RAPGEF2: variants seen among roughly 807,000 people sequenced by gnomAD.
RAPGEF2 encodes PDZ domain containing guanine nucleotide exchange factor (GEF) 1.
Under a neutral mutation model 186.7 loss-of-function variants are expected in RAPGEF2, and 54 were observed. That is an observed-to-expected ratio of 0.29 (90% CI 0.23 to 0.36). RAPGEF2 has a LOEUF of 0.36. RAPGEF2 is among the 10% of genes least tolerant of loss of function. The pLI, the probability that RAPGEF2 is intolerant of heterozygous loss-of-function variation, is 1.00. For synonymous variants in RAPGEF2, 712 were observed against 705.9 expected (o/e 1.01, Z -0.14); for missense variants, 1,532 against 2,045.0 (o/e 0.75, Z 4.84).
intron 17 of RAPGEF2, among the ~76,000 whole-genome samples, chr4:159,333,041 G>A (rs902802107): frequency 1.1e-4 from 17 of 151,918 alleles, no homozygotes; most frequent in African/African-American, 3.4e-4. Context: ...GTGCAGTGGC[G>A]CGATCTCGGC....
intron 3 of RAPGEF2, among the ~76,000 whole-genome samples, chr4:159,209,663 G>T (rs774702490): frequency 1.3e-5 from 2 of 152,172 alleles, no homozygotes; most frequent in Non-Finnish European, 2.9e-5. Context: ...TATTAGTAAG[G>T]TTGTGGGGAA....
At position 159,346,888 on chromosome 4, in the gene RAPGEF2, C is replaced by A; in HGVS notation, c.3602C>A (p.Pro1201His). The part of the protein sequence containing the change: ...SQQKAQSLPQ[P>H]QQQPPPAHKI... ...CAGAAAGCTCAGTCCCTGCCACAGC[C>A]CCAGCAGCAGCCACCACCAGCACAT... is the stretch of plus-strand genomic sequence containing the variant. Residue 1201 changes from proline to histidine, a missense_variant, in exon 25 of 30, where the codon CCC (proline) becomes CAC (histidine). Physicochemically the swap from Pro to His is moderately conservative, Grantham distance 77 (BLOSUM62 -2). This residue lies in a region of RAPGEF2 where 594 missense variants were observed against 608.5 expected (regional missense o/e 0.98). Coordinates refer to ENST00000691494, the MANE Select transcript of RAPGEF2 (RefSeq NM_001394067.2). 2 of 1,614,154 alleles carry A rather than the reference C, an allele frequency of 1.2e-6. No individual in the cohort carries two copies. The highest frequency in any genetic ancestry group is 1.7e-6 in the Non-Finnish European group (2 of 1,180,020).
chr4:159,300,741 A>C (rs1028007450), intron 7 of RAPGEF2, among the ~76,000 whole-genome samples: 5 of 152,300 alleles, frequency 3.3e-5, no homozygotes, highest in African/African-American at 1.2e-4. Flanking sequence ...ATACATAGTA[A>C]TTTAAATTGG....
intron 7 of RAPGEF2, among the ~76,000 whole-genome samples, chr4:159,275,780 A>G (rs1200871457): frequency 1.1e-4 from 16 of 152,160 alleles, no homozygotes; most frequent in Non-Finnish European, 1.5e-5. Flanking sequence ...CACACTTTTC[A>G]TGATAAAGGA....
chr4:159,122,438 C>T (rs996023502), intron 1 of RAPGEF2, among the ~76,000 whole-genome samples: 12 of 151,500 alleles, frequency 7.9e-5, no homozygotes, highest in Admixed American at 7.2e-4. Flanking sequence ...GAGACTGCAC[C>T]ACAGCACTCC....
chr4:159,136,889 G>A (rs1056058014), intron 1 of RAPGEF2, among the ~76,000 whole-genome samples: 2 of 152,092 alleles, frequency 1.3e-5, no homozygotes, highest in Admixed American at 6.6e-5. Flanking sequence ...ACCTGAACTG[G>A]CTACTGTTCC....
chr4:159,219,347 CTTTTTTTTTTT>C (rs70962664), intron 4 of RAPGEF2, among the ~76,000 whole-genome samples: 1 of 81,446 alleles, frequency 1.2e-5, no homozygotes, highest in African/African-American at 5.6e-5. Context: ...CAACTGTATC[CTTTTTTTTTTT>C]TTTTTTTTTT....
chr4:159,251,944 A>G (rs1472618114), intron 7 of RAPGEF2, among the ~76,000 whole-genome samples: 3 of 151,978 alleles, frequency 2.0e-5, no homozygotes, highest in East Asian at 1.9e-4. Context: ...GAGCGGTAAC[A>G]CTCACCGCGG....
At chr4:159,190,752 A>G (rs28508275) in intron 2 of RAPGEF2, among the ~76,000 whole-genome samples, 4 of 151,946 alleles carry the variant, frequency 2.6e-5, no homozygotes, top group Non-Finnish European at 5.9e-5. Flanking sequence ...CCATCAGATC[A>G]TTTAAGAACT....
At chr4:159,238,133 A>G (rs1044403459) in intron 4 of RAPGEF2, among the ~76,000 whole-genome samples, 2 of 152,168 alleles carry the variant, frequency 1.3e-5, no homozygotes, top group Non-Finnish European at 2.9e-5. Flanking sequence ...GCATATCCCT[A>G]TGTCAGAAAC....
At position 159,355,849 on chromosome 4, in the gene RAPGEF2, C is replaced by G. The variant is rs921130177; in HGVS notation, c.4652-4C>G. 3.2e-6 allele frequency: 5 copies of G among 1,542,994 alleles called. No homozygotes were observed. The East Asian group carries it at 9.8e-5, about 30-fold the overall frequency. ...TTAATGCTGGTGCATTGTTTCTACT[C>G]TAGCACGAAAGGAGGGCAGGTATCG... On this transcript the variant is annotated splice_polypyrimidine_tract_variant and splice_region_variant and intron_variant, in intron 28 of 29. Coordinates refer to ENST00000691494, the MANE Select transcript of RAPGEF2 (RefSeq NM_001394067.2).
At chr4:159,165,903 A>G (rs1198833235) in intron 1 of RAPGEF2, among the ~76,000 whole-genome samples, 1 of 152,206 alleles carries the variant, frequency 6.6e-6, no homozygotes, top group African/African-American at 2.4e-5. Context: ...AACAATGGAC[A>G]TTTTGGAAAA....
intron 8 of RAPGEF2, among the ~76,000 whole-genome samples, chr4:159,313,547 T>G (rs1049402831): frequency 6.0e-5 from 9 of 149,916 alleles, no homozygotes; most frequent in Admixed American, 5.9e-4. Flanking sequence ...TATTTTTATC[T>G]TTCTTTTAAA....
At chr4:159,214,738 T>A (rs900931227) in intron 4 of RAPGEF2, among the ~76,000 whole-genome samples, 3 of 152,166 alleles carry the variant, frequency 2.0e-5, no homozygotes, top group Non-Finnish European at 4.4e-5. Flanking sequence ...CTTTAGATTA[T>A]TTGTTAAAGA....
At chr4:159,320,316 A>G (rs1290773702) in intron 9 of RAPGEF2, among the ~76,000 whole-genome samples, 2 of 152,204 alleles carry the variant, frequency 1.3e-5, no homozygotes, top group African/African-American at 4.8e-5. Context: ...CATCTCTTGC[A>G]ATGGTGTTCA....
At chr4:159,279,430 G>C (rs762965453) in intron 7 of RAPGEF2, among the ~76,000 whole-genome samples, 1 of 152,206 alleles carries the variant, frequency 6.6e-6, no homozygotes, top group East Asian at 1.9e-4. Context: ...GAAAGTCCTC[G>C]AACAGTTTAT....
Position 159,350,243 on chromosome 4 carries a change from G to T in RAPGEF2, c.3819G>T (p.Ser1273=). The T allele has an allele frequency of 4.4e-6, 7 of 1,599,316 alleles. No individual in the cohort carries two copies. Among genetic ancestry groups the T allele is most frequent in the Non-Finnish European group, 6.0e-6 (7 of 1,173,130 alleles). The change falls in exon 26 of 30, where the codon TCG becomes TCT. Residue 1273 remains serine, a synonymous_variant. Transcript: ENST00000691494. ...QAEDTISNAS[S]QLSSPPTSPQ... ...AAGATACAATATCAAATGCATCTTC[G>T]CAGCTTTCTTCTCCTCCTACTTCTC...
At chr4:159,220,021 C>T (rs978338948) in intron 4 of RAPGEF2, among the ~76,000 whole-genome samples, 13 of 152,156 alleles carry the variant, frequency 8.5e-5, no homozygotes, top group Admixed American at 7.9e-4. Flanking sequence ...TCTAGTGCTG[C>T]AGGGACATTC....
At chr4:159,228,705 G>A (rs1752298454) in intron 4 of RAPGEF2, among the ~76,000 whole-genome samples, 2 of 152,134 alleles carry the variant, frequency 1.3e-5, no homozygotes, top group African/African-American at 4.8e-5. Flanking sequence ...TTTAGAAGCA[G>A]TTCGCAATTT....
Sources: gnomAD v4.1 joint callset for allele counts (sites outside exome capture counted in the v4.1 genomes callset) on GRCh38, gnomAD v4.1.1 for gene constraint, gnomAD v4.1.1 regional missense constraint, MANE v1.5 for transcripts, NCBI Gene and HGNC (gene_info 2026-07-23, HGNC 2026-07-21) for gene names.